GPCPD1: variants seen among roughly 807,000 people sequenced by gnomAD.
GPCPD1 encodes glycerophosphocholine phosphodiesterase GPCPD1.
In GPCPD1, 29 loss-of-function variants were observed where a neutral mutation model predicts 89.2. That is an observed-to-expected ratio of 0.33 (90% CI 0.24 to 0.44). The LOEUF (loss-of-function observed/expected upper bound fraction) is 0.44. Ranked by LOEUF, GPCPD1 falls within the 20% of genes least tolerant of loss-of-function variation. The pLI is 1.00. For missense variants in GPCPD1, 594 were observed against 808.9 expected, an observed-to-expected ratio of 0.73 and a Z score of 3.22; for synonymous variants, 258 against 266.3, an observed-to-expected ratio of 0.97 and a Z score of 0.30.
chr20:5,565,255 C>G lies in GPCPD1; in HGVS notation c.1268-177G>C, dbSNP rs142127165. On this transcript the variant is annotated intron_variant, in intron 14 of 19. Coordinates refer to ENST00000379019, the MANE Select transcript of GPCPD1 (RefSeq NM_019593.5). ...TTTTTTTTTTTAATAGAGGTAGGGT[C>G]TCACTCTGTCATCTAGGCTGGAACA... Among the ~76,000 whole-genome samples, 1,146 of 150,742 alleles carry G rather than the reference C, an allele frequency of 7.6e-3. 13 individuals carry two copies. The highest frequency in any genetic ancestry group is 0.01 in the Non-Finnish European group (683 of 67,832).
intron 2 of GPCPD1, among the ~76,000 whole-genome samples, chr20:5,602,986 TA>T (rs57455474): frequency 0.19 from 22,846 of 121,196 alleles, 2,015 homozygotes; most frequent in Middle Eastern, 0.22. Context: ...CCATCTCAAT[TA>T]AAAAAAAAAA....
intron 19 of GPCPD1, among the ~76,000 whole-genome samples, chr20:5,550,959 C>T (rs777398255): frequency 3.9e-5 from 6 of 152,122 alleles, no homozygotes; most frequent in South Asian, 2.1e-4. Context: ...GCTATTACTC[C>T]GAGAGAGACA....
intron 8 of GPCPD1, among the ~76,000 whole-genome samples, chr20:5,577,079 T>C (rs1003346289): frequency 6.8e-6 from 1 of 146,410 alleles, no homozygotes; most frequent in African/African-American, 2.5e-5. Context: ...TTTTTTTTTT[T>C]TCTGAGATGG....
At chr20:5,549,739 A>G (rs1985260793) in intron 19 of GPCPD1, among the ~76,000 whole-genome samples, 3 of 131,970 alleles carry the variant, frequency 2.3e-5, no homozygotes, top group Non-Finnish European at 4.8e-5. Context: ...AGTGAGAGAG[A>G]ACCTGCCTCA....
chr20:5,566,119 T>C (rs1986383765), intron 14 of GPCPD1, among the ~76,000 whole-genome samples: 1 of 152,202 alleles, frequency 6.6e-6, no homozygotes, highest in Non-Finnish European at 1.5e-5. Flanking sequence ...ATTAAAACTG[T>C]ATGGTTATCA....
intron 16 of GPCPD1, 103 bp from the exon 17 acceptor site, chr20:5,560,179 G>C: frequency 7.5e-6 from 5 of 666,310 alleles, no homozygotes; most frequent in Non-Finnish European, 1.2e-5. Context: ...ACCCCTGACA[G>C]TATCTAGTCC....
chr20:5,589,070 C>T (rs1979140947), intron 4 of GPCPD1, among the ~76,000 whole-genome samples: 1 of 152,036 alleles, frequency 6.6e-6, no homozygotes, highest in South Asian at 2.1e-4. Flanking sequence ...GCCCACTACC[C>T]CACTGCATAA....
Position 5,575,509 on chromosome 20 carries a change from C to T in GPCPD1, c.905G>A (p.Ser302Asn). 1.9e-6 allele frequency: 3 copies of T among 1,587,296 alleles called. No individual in the cohort carries two copies. The highest frequency in any genetic ancestry group is 2.6e-6 in the Non-Finnish European group (3 of 1,155,824). Residue 302 changes from serine to asparagine, a missense_variant, in exon 10 of 20, where the codon AGT becomes AAT. Physicochemically the swap from Ser to Asn is conservative, Grantham distance 46 (BLOSUM62 1). Coordinates refer to ENST00000379019, the MANE Select transcript of GPCPD1 (RefSeq NM_019593.5). ...YIIIKPLPGY[S>N]CDMKSSFSKY... ...GGAAAATGAAGATTTCATGTCACAACTGTATCCTGGTAATGGCTTAATAAT... is the reference window on the plus strand; with the variant it reads ...GGAAAATGAAGATTTCATGTCACAATTGTATCCTGGTAATGGCTTAATAAT...
At chr20:5,608,583 T>C (rs1600818364) in intron 1 of GPCPD1, among the ~76,000 whole-genome samples, 1 of 149,850 alleles carries the variant, frequency 6.7e-6, no homozygotes, top group Admixed American at 6.7e-5. Context: ...AAACAAAAAA[T>C]GTATGCACCC....
At chr20:5,563,998 C>T (rs1351277333) in intron 15 of GPCPD1, among the ~76,000 whole-genome samples, 2 of 152,066 alleles carry the variant, frequency 1.3e-5, no homozygotes, top group Admixed American at 1.3e-4. Context: ...ACTAAAACTA[C>T]CTATTTTTGC....
intron 4 of GPCPD1, among the ~76,000 whole-genome samples, chr20:5,587,610 C>T (rs1600776432): frequency 6.6e-6 from 1 of 152,170 alleles, no homozygotes; most frequent in East Asian, 1.9e-4. Flanking sequence ...TCGTGATCCA[C>T]CCACCTCAGC....
In GPCPD1 at chr20:5,544,475, T is replaced by A. The variant is rs1984945707; in HGVS notation, c.*3186A>T. The A allele has an allele frequency of 6.6e-6, 1 of 152,210 alleles. No individual in the cohort carries two copies. Among genetic ancestry groups the A allele is most frequent in the Non-Finnish European group, 1.5e-5 (1 of 68,042 alleles). The allele number at this position is 152,210 out of a possible 1,614,324, so 9.4% of individuals were successfully genotyped here. A position where few individuals can be genotyped will look rare whatever the true frequency, so the allele number is the denominator to read the frequency against. ...ACCATTTATTTATCTAGTTCATAAC[T>A]AAGGATAGAACACTATAGCAGTGCT... On this transcript the variant is annotated 3_prime_UTR_variant, in exon 20 of 20. Coordinates refer to ENST00000379019, the MANE Select transcript of GPCPD1 (RefSeq NM_019593.5).
At position 5,563,444 on chromosome 20, in the gene GPCPD1, T is replaced by C. The variant is rs142181357; in HGVS notation, c.1329+1573A>G. ...CACAAATGATTTTAGAAAATTGAAT[T>C]AGAAGAAATGATCTTACTTAGATGG... On this transcript the variant is annotated intron_variant, in intron 15 of 19. Transcript: ENST00000379019. 7.0e-3 allele frequency among the ~76,000 whole-genome samples: 1,061 copies of C among 152,370 alleles called. 15 individuals are homozygous for C. Among genetic ancestry groups the C allele is most frequent in the Non-Finnish European group, 9.0e-3 (610 of 68,040 alleles).
chr20:5,551,245 A>G (rs922261214), intron 19 of GPCPD1, among the ~76,000 whole-genome samples: 3 of 152,190 alleles, frequency 2.0e-5, no homozygotes, highest in African/African-American at 7.2e-5. Context: ...AACAGTTCGG[A>G]AAGTTAAGAC....
At chr20:5,570,012 G>A in intron 12 of GPCPD1, 135 bp downstream of exon 12, 1 of 528,534 alleles carries the variant, frequency 1.9e-6, no homozygotes, top group South Asian at 2.9e-5. Flanking sequence ...TGAGAGGGAA[G>A]GACTGGCAGT....
chr20:5,563,579 G>A (rs1041805070), intron 15 of GPCPD1, among the ~76,000 whole-genome samples: 5 of 151,614 alleles, frequency 3.3e-5, no homozygotes, highest in Admixed American at 2.6e-4. Flanking sequence ...CACAATCACA[G>A]CTCACTGCAG....
At chr20:5,578,647 G>A (rs1440911702) in intron 7 of GPCPD1, 36 bp from the exon 8 acceptor site, 1 of 1,308,528 alleles carries the variant, frequency 7.6e-7, no homozygotes, top group Non-Finnish European at 1.1e-6. Context: ...TGCAAGAAGT[G>A]GCAGAAAAGA....
In GPCPD1 at chr20:5,567,576, A is replaced by G; in HGVS notation, c.1150-16T>C. ...CATCAAATTTCTAAAAAAAAAAAAA[A>G]AAGAAAGAAAGAAAAAGAAAGAATA... On this transcript the variant is annotated splice_polypyrimidine_tract_variant and intron_variant, in intron 12 of 19. Transcript: ENST00000379019. The G allele has an allele frequency of 1.3e-6, 2 of 1,529,896 alleles. No individual in the cohort carries two copies. The highest frequency in any genetic ancestry group is 1.8e-6 in the Non-Finnish European group (2 of 1,139,754). 94.8% of individuals were successfully genotyped at this position (1,529,896 alleles called of 1,614,324 possible).
intron 10 of GPCPD1, among the ~76,000 whole-genome samples, chr20:5,574,990 G>C (rs1040202783): frequency 1.3e-5 from 2 of 152,212 alleles, no homozygotes; most frequent in Non-Finnish European, 2.9e-5. Flanking sequence ...AGAAGACAGA[G>C]CATCTTTCGT....
Sources: allele counts gnomAD v4.1 joint callset (sites outside exome capture counted in the v4.1 genomes callset), GRCh38; gene constraint gnomAD v4.1.1; transcripts MANE v1.5; gene names NCBI Gene and HGNC (gene_info 2026-07-23, HGNC 2026-07-21).